Variants in BIVM observed in about 807,000 individuals in gnomAD.
The protein encoded by BIVM is basic, immunoglobulin-like variable motif containing.
In BIVM, 31 loss-of-function variants were observed where a neutral mutation model predicts 61.4. The ratio of observed to expected loss-of-function variants is 0.51; its 90% confidence interval spans 0.38 to 0.68. BIVM has a LOEUF of 0.68. Ranked by LOEUF, BIVM falls within the 30% of genes least tolerant of loss-of-function variation. The probability of loss-of-function intolerance (pLI) is 0.00; values close to 1 mark genes in which losing one functional copy is unlikely to be tolerated. For missense variants in BIVM, 526 were observed against 596.0 expected, an observed-to-expected ratio of 0.88 and a Z score of 1.22; for synonymous variants, 189 against 210.7, an observed-to-expected ratio of 0.90 and a Z score of 0.89.
rs1231587203 is a variant in BIVM, at chr13:102,817,541, T to G, written c.605+987T>G. 2.0e-5 allele frequency among the ~76,000 whole-genome samples: 3 copies of G among 152,196 alleles called. No individual in the cohort carries two copies. In the East Asian group the frequency reaches 5.8e-4, roughly 29 times the overall value. The stretch of plus-strand genomic sequence containing the variant: ...TCCTCTGGTACCCTCAAGTAATCAG[T>G]AGAGTGACAGAGTGGCATTAGGTAA... On this transcript the variant is annotated intron_variant, in intron 4 of 10. Transcript: ENST00000257336.
In BIVM at chr13:102,816,410, T is replaced by G; in HGVS notation, c.479-18T>G. ...TTCATCTTAAGCATTTTGCTTATTT[T>G]ATACTCTTGTATTCTAGGCAATGCA... On this transcript the variant is annotated intron_variant, in intron 3 of 10. Coordinates refer to ENST00000257336, the MANE Select transcript of BIVM (RefSeq NM_017693.4). 2 of 1,540,300 alleles carry G rather than the reference T, an allele frequency of 1.3e-6. No individual in the cohort carries two copies. Among genetic ancestry groups the G allele is most frequent in the Non-Finnish European group, 1.7e-6 (2 of 1,153,620 alleles).
intron 1 of BIVM, among the ~76,000 whole-genome samples, chr13:102,803,218 C>A (rs1230292641): frequency 1.3e-5 from 2 of 151,740 alleles, no homozygotes; most frequent in Non-Finnish European, 1.5e-5. Context: ...CTTTTACAAT[C>A]CCTGCCAGGT....
chr13:102,822,506 A>G (rs1372485672), intron 7 of BIVM, among the ~76,000 whole-genome samples: 1 of 152,222 alleles, frequency 6.6e-6, no homozygotes, highest in Non-Finnish European at 1.5e-5. Context: ...AACTCTAAGG[A>G]AGCAGCATGG....
intron 9 of BIVM, among the ~76,000 whole-genome samples, chr13:102,836,287 T>C (rs2140500935): frequency 6.6e-6 from 1 of 152,316 alleles, no homozygotes; most frequent in Admixed American, 6.5e-5. Flanking sequence ...AGAAGCTTTA[T>C]AGATTTTATG....
At chr13:102,815,709 C>T (rs899423724) in intron 3 of BIVM, among the ~76,000 whole-genome samples, 2 of 152,154 alleles carry the variant, frequency 1.3e-5, no homozygotes, top group African/African-American at 4.8e-5. Context: ...CTCCCTTCCC[C>T]AGTAGTAACC....
chr13:102,800,568 T>C (rs1878690718), intron 1 of BIVM: 2 of 88,454 alleles, frequency 2.3e-5, no homozygotes, highest in Non-Finnish European at 2.1e-5. Context: ...CGCGACTGTC[T>C]ACTCCGTCCC....
chr13:102,807,020 C>A lies in BIVM; in HGVS notation c.-122-126C>A. 1 of 369,448 alleles carries A rather than the reference C, an allele frequency of 2.7e-6. No individual in the cohort carries two copies. Among genetic ancestry groups the A allele is most frequent in the Non-Finnish European group, 4.8e-6 (1 of 208,406 alleles). The allele number at this position is 369,448 out of a possible 1,614,324, so 22.9% of individuals were successfully genotyped here. ...AAAAATAAGATAGTGATTGTGACTC[C>A]AGTCATATAGTAGTTGTAAAATTAA... On this transcript the variant is annotated intron_variant, in intron 2 of 10. Coordinates refer to ENST00000257336, the MANE Select transcript of BIVM (RefSeq NM_017693.4). This position sits in a 1 kb window ranked among gnomAD's most constrained non-coding sequence, Gnocchi z 4.0.
intron 3 of BIVM, among the ~76,000 whole-genome samples, chr13:102,814,332 G>A (rs550150317): frequency 6.6e-6 from 1 of 152,270 alleles, no homozygotes; most frequent in East Asian, 1.9e-4. Context: ...TGTGGGACCA[G>A]CTCTTTCTGT....
intron 3 of BIVM, among the ~76,000 whole-genome samples, chr13:102,815,642 T>A (rs1879815883): frequency 6.6e-6 from 1 of 152,180 alleles, no homozygotes; most frequent in Non-Finnish European, 1.5e-5. Context: ...TTAAAAAAAA[T>A]TAAAAAGTAC....
chr13:102,824,106 A>G (rs1452573345), intron 7 of BIVM, among the ~76,000 whole-genome samples: 1 of 152,210 alleles, frequency 6.6e-6, no homozygotes, highest in Non-Finnish European at 1.5e-5. Context: ...TATAATAATG[A>G]TTCTGTCAGT....
rs34761412 is a variant in BIVM at position 102,840,713 on chromosome 13, C to CT, written c.*856dup. On this transcript the variant is annotated 3_prime_UTR_variant, in exon 11 of 11. Coordinates refer to ENST00000257336, the MANE Select transcript of BIVM (RefSeq NM_017693.4). ...AAAAAAAAAAAAAAAAAGACGGATC[C>CT]TTTTTTTTGGTGCAAATGGGTGACT... The CT allele has an allele frequency of 0.37, 53,288 of 145,194 alleles. 11,005 individuals are homozygous for CT. Among genetic ancestry groups the CT allele is most frequent in the Non-Finnish European group, 0.48 (31,920 of 66,916 alleles). 9.0% of individuals were successfully genotyped at this position (145,194 alleles called of 1,614,324 possible).
At chr13:102,814,350 C>T (rs371381787) in intron 3 of BIVM, among the ~76,000 whole-genome samples, 10 of 151,998 alleles carry the variant, frequency 6.6e-5, no homozygotes, top group Non-Finnish European at 1.3e-4. Context: ...TGTGGCAGTG[C>T]GGGCATTTTA....
intron 7 of BIVM, among the ~76,000 whole-genome samples, chr13:102,828,020 C>T (rs1213703160): frequency 6.6e-6 from 1 of 152,176 alleles, no homozygotes; most frequent in African/African-American, 2.4e-5. Flanking sequence ...TTTTTAAGGA[C>T]CACTAAGCCT....
intron 7 of BIVM, among the ~76,000 whole-genome samples, chr13:102,824,536 A>C (rs992461603): frequency 1.3e-5 from 2 of 152,194 alleles, no homozygotes; most frequent in African/African-American, 4.8e-5. Context: ...TTTACATAAA[A>C]GGCTTGATAG....
intron 7 of BIVM, 140 bp from the exon 8 acceptor site, chr13:102,831,425 A>G: frequency 1.5e-6 from 2 of 1,314,092 alleles, no homozygotes; most frequent in Non-Finnish European, 2.1e-6. Context: ...ACCTATCAAT[A>G]GCTTCTTGTT....
At position 102,839,915 on chromosome 13, in the gene BIVM, A is replaced by G. The variant is rs748563590; in HGVS notation, c.*50A>G. ...CATTATATATGAAACTGCTATATAC[A>G]GGACTGTATAAAGACAGTAGAAGAT... On this transcript the variant is annotated 3_prime_UTR_variant, in exon 11 of 11. Transcript: ENST00000257336. 9 of 1,535,522 alleles carry G rather than the reference A, an allele frequency of 5.9e-6. No homozygotes were observed. The highest frequency in any genetic ancestry group is 7.9e-6 in the Non-Finnish European group (9 of 1,141,942).
intron 9 of BIVM, 95 bp downstream of exon 9, chr13:102,834,647 G>A: frequency 2.5e-6 from 3 of 1,184,172 alleles, no homozygotes; most frequent in Non-Finnish European, 3.4e-6. Flanking sequence ...TTTGATAAAT[G>A]AATGCACCTG....
intron 1 of BIVM, among the ~76,000 whole-genome samples, chr13:102,802,745 C>CT (rs35905954): frequency 0.016 from 2,098 of 132,100 alleles, 48 homozygotes; most frequent in African/African-American, 0.042. Flanking sequence ...TCTCTCTTTC[C>CT]TTTTTTTTTT....
In BIVM at chr13:102,831,597, T is replaced by C; in HGVS notation, c.934T>C (p.Leu312=). ...GGCCCTGTCAAAGTTAACCCGTGGA[T>C]TGAAAGATGAATCGCTGGCTTATAT... ...SGALSKLTRG[L]KDESLAYIYH... is the part of the protein sequence containing the mutation. The change falls in exon 8 of 11, where the codon TTG becomes CTG. Residue 312 remains leucine, a synonymous_variant. Transcript: ENST00000257336. 1.2e-6 allele frequency: 2 copies of C among 1,614,194 alleles called. No homozygotes were observed. Among genetic ancestry groups the C allele is most frequent in the Non-Finnish European group, 1.7e-6 (2 of 1,180,030 alleles).
Sources: allele counts gnomAD v4.1 joint callset (sites outside exome capture counted in the v4.1 genomes callset), GRCh38; gene constraint gnomAD v4.1.1; non-coding constraint Gnocchi (gnomAD v3.1); transcripts MANE v1.5; gene names NCBI Gene and HGNC (gene_info 2026-07-23, HGNC 2026-07-21).